The following PDGFD variants were observed in gnomAD, a reference collection of about 807,000 sequenced individuals.
PDGFD encodes the protein platelet derived growth factor D.
A neutral mutation model predicts 44.7 loss-of-function variants in PDGFD; 30 were observed. The observed-to-expected ratio is 0.67, with a 90% CI of 0.50 to 0.91. PDGFD has a LOEUF of 0.91. Among genes scored for constraint, PDGFD ranks in the 40% least tolerant of loss-of-function variants. The probability of loss-of-function intolerance (pLI) is 0.00; values close to 1 mark genes in which losing one functional copy is unlikely to be tolerated. For missense variants in PDGFD, 445 were observed against 457.8 expected, an observed-to-expected ratio of 0.97 and a Z score of 0.25; for synonymous variants, 173 against 168.4, an observed-to-expected ratio of 1.03 and a Z score of -0.21.
chr11:104,012,869 A>G (rs1029874319), intron 1 of PDGFD, among the ~76,000 whole-genome samples: 5 of 152,248 alleles, frequency 3.3e-5, no homozygotes, highest in Non-Finnish European at 7.3e-5. Flanking sequence ...CCACATGGCC[A>G]TGTTATGGAC....
At chr11:104,091,756 T>C (rs984791140) in intron 1 of PDGFD, among the ~76,000 whole-genome samples, 6 of 152,118 alleles carry the variant, frequency 3.9e-5, no homozygotes, top group Admixed American at 6.6e-5. Flanking sequence ...AATGGCTTTA[T>C]AATCTTGATT....
At chr11:103,950,340 G>T (rs2134327818) in intron 3 of PDGFD, among the ~76,000 whole-genome samples, 1 of 150,224 alleles carries the variant, frequency 6.7e-6, no homozygotes, top group South Asian at 2.1e-4. Context: ...CTTGAGGTCA[G>T]GAGTTCAAGA....
At chr11:104,125,356 A>T (rs1429870010) in intron 1 of PDGFD, among the ~76,000 whole-genome samples, 1 of 152,166 alleles carries the variant, frequency 6.6e-6, no homozygotes, top group Non-Finnish European at 1.5e-5. Flanking sequence ...TTTGTGGATC[A>T]AAAGAAACAA....
chr11:103,916,734 T>C (rs557648659), intron 6 of PDGFD, among the ~76,000 whole-genome samples: 1 of 152,306 alleles, frequency 6.6e-6, no homozygotes, highest in South Asian at 2.1e-4. Flanking sequence ...ATGGCACATA[T>C]ACACCATGAA....
rs373418499 is a variant in PDGFD at position 104,119,030 on chromosome 11, G to T, written c.124+44774C>A. The stretch of plus-strand genomic sequence containing the variant: ...AATATAATATATTATATAATATATC[G>T]ATATAATATATAATATATTGATATA... On this transcript the variant is annotated intron_variant, in intron 1 of 6. Coordinates refer to ENST00000393158, the MANE Select transcript of PDGFD (RefSeq NM_025208.5). Among the ~76,000 whole-genome samples the T allele has an allele frequency of 4.0e-3, 2 of 506 alleles. 1 individual carries two copies. 0.3% of individuals were successfully genotyped at this position (506 alleles called of 152,430 possible).
rs1857984661 is a variant in PDGFD at position 103,908,982 on chromosome 11, T to C, written c.*712A>G. 6.6e-6 allele frequency: 1 copy of C among 152,210 alleles called. No individual in the cohort carries two copies. The highest frequency in any genetic ancestry group is 2.1e-4 in the South Asian group (1 of 4,830). 9.4% of individuals were successfully genotyped at this position (152,210 alleles called of 1,614,324 possible). On this transcript the variant is annotated 3_prime_UTR_variant, in exon 7 of 7. Transcript: ENST00000393158. ...TAGGTGTTAAATGAATAAGCATGCC[T>C]CAGCAAAATGCATAAAAAACACAAT...
chr11:104,047,209 A>G (rs1471770511), intron 1 of PDGFD, among the ~76,000 whole-genome samples: 1 of 147,718 alleles, frequency 6.8e-6, no homozygotes, highest in African/African-American at 2.5e-5. Flanking sequence ...ATACGTGTGC[A>G]TGTATCTTTA....
At chr11:103,997,349 C>CAATA (rs1481453095) in intron 2 of PDGFD, among the ~76,000 whole-genome samples, 1 of 152,092 alleles carries the variant, frequency 6.6e-6, no homozygotes, top group Non-Finnish European at 1.5e-5. Flanking sequence ...ATAGAGAAAC[C>CAATA]AATATGGCCT....
chr11:103,922,753 T>A (rs551946843), intron 6 of PDGFD, among the ~76,000 whole-genome samples: 21 of 152,194 alleles, frequency 1.4e-4, no homozygotes, highest in East Asian at 1.3e-3. Flanking sequence ...TTATTTATTT[T>A]TTTTTTAGAG....
chr11:104,002,695 T>A (rs1427228818), intron 1 of PDGFD, among the ~76,000 whole-genome samples: 1 of 152,230 alleles, frequency 6.6e-6, no homozygotes, highest in African/African-American at 2.4e-5. Flanking sequence ...TATTGTATTA[T>A]AGTATTTTCA....
At chr11:104,004,655 T>G (rs1222185048) in intron 1 of PDGFD, among the ~76,000 whole-genome samples, 1 of 152,092 alleles carries the variant, frequency 6.6e-6, no homozygotes, top group Non-Finnish European at 1.5e-5. Flanking sequence ...TTCAGATTTA[T>G]TTTTCCTTAA....
intron 1 of PDGFD, among the ~76,000 whole-genome samples, chr11:104,103,462 GTATA>G (rs58684985): frequency 0.097 from 12,901 of 133,066 alleles, 659 homozygotes; most frequent in Non-Finnish European, 0.11. Flanking sequence ...GTGTGTGTGT[GTATA>G]TATATATATA....
Position 104,037,965 on chromosome 11 carries a change from C to A in PDGFD, c.125-37710G>T, listed in dbSNP as rs144680864. 950 of 1,614,002 alleles carry A rather than the reference C, an allele frequency of 5.9e-4. 4 individuals are homozygous for A. Among genetic ancestry groups the A allele is most frequent in the South Asian group, 5.3e-3 (484 of 91,064 alleles). On this transcript the variant is annotated intron_variant, in intron 1 of 6. Coordinates refer to ENST00000393158, the MANE Select transcript of PDGFD (RefSeq NM_025208.5). Reference sequence around the variant, plus strand: ...TAAGTGGGCAAGATGAGTCTTCGGACAAGGAAATTACACATTCAGTCATGG... The same window carrying A: ...TAAGTGGGCAAGATGAGTCTTCGGAAAAGGAAATTACACATTCAGTCATGG...
At chr11:103,998,196 T>C (rs543695374) in intron 2 of PDGFD, among the ~76,000 whole-genome samples, 1 of 152,232 alleles carries the variant, frequency 6.6e-6, no homozygotes, top group Non-Finnish European at 1.5e-5. Flanking sequence ...CATCTTTTTT[T>C]ATTCATAATA....
intron 3 of PDGFD, among the ~76,000 whole-genome samples, chr11:103,979,568 AG>A (rs1459226852): frequency 6.6e-6 from 1 of 152,142 alleles, no homozygotes; most frequent in Non-Finnish European, 1.5e-5. Flanking sequence ...AAATGTTTGT[AG>A]AAAGAATGAG....
At chr11:103,970,269 T>G (rs1859084413) in intron 3 of PDGFD, among the ~76,000 whole-genome samples, 1 of 152,082 alleles carries the variant, frequency 6.6e-6, no homozygotes, top group Admixed American at 6.5e-5. Flanking sequence ...TTACAGCATA[T>G]CACATACAAT....
chr11:103,977,888 C>T (rs1859207077), intron 3 of PDGFD, among the ~76,000 whole-genome samples: 3 of 152,014 alleles, frequency 2.0e-5, no homozygotes, highest in Admixed American at 6.6e-5. Context: ...AGGTTGTTGT[C>T]ATACAAACTG....
chr11:104,162,742 T>C (rs1391480988), intron 1 of PDGFD, among the ~76,000 whole-genome samples: 1 of 152,164 alleles, frequency 6.6e-6, no homozygotes, highest in Non-Finnish European at 1.5e-5. Flanking sequence ...ATAAGATGGC[T>C]AATAGGAATT....
intron 6 of PDGFD, among the ~76,000 whole-genome samples, chr11:103,925,885 C>A (rs147150840): frequency 6.6e-6 from 1 of 151,628 alleles, no homozygotes; most frequent in Non-Finnish European, 1.5e-5. Flanking sequence ...CCTGCCATCA[C>A]GCCTGGCTAA....
Sources: allele counts gnomAD v4.1 joint callset (sites outside exome capture counted in the v4.1 genomes callset), GRCh38; gene constraint gnomAD v4.1.1; transcripts MANE v1.5; gene names NCBI Gene and HGNC (gene_info 2026-07-23, HGNC 2026-07-21).